The following XKR7 variants were observed in gnomAD, a reference collection of about 807,000 sequenced individuals.
XKR7 encodes the protein XK related 7, also known as XK-related protein 7.
A neutral mutation model predicts 42.2 loss-of-function variants in XKR7; 11 were observed. The ratio of observed to expected loss-of-function variants is 0.26; its 90% confidence interval spans 0.16 to 0.43. The LOEUF (loss-of-function observed/expected upper bound fraction) is 0.43, where lower values mean the gene tolerates loss of function less well. Among genes scored for constraint, XKR7 ranks in the 20% least tolerant of loss-of-function variants. The pLI is 1.00. For synonymous variants in XKR7, 346 were observed against 366.4 expected, an observed-to-expected ratio of 0.94 and a Z score of 0.64; for missense variants, 710 against 802.2, an observed-to-expected ratio of 0.89 and a Z score of 1.39.
Position 31,997,525 on chromosome 20 carries a change from G to A in XKR7, c.*68G>A, listed in dbSNP as rs147263352. ...CACATCCGCCGCAGTGTTGTGCCCCGAATTTCAGGGCCACCAGGCTAAGGG... is the reference window on the plus strand; with the variant it reads ...CACATCCGCCGCAGTGTTGTGCCCCAAATTTCAGGGCCACCAGGCTAAGGG... On this transcript the variant is annotated 3_prime_UTR_variant, in exon 3 of 3. Coordinates refer to ENST00000562532, the MANE Select transcript of XKR7 (RefSeq NM_001011718.2). 1,174 of 1,401,978 alleles carry A rather than the reference G, an allele frequency of 8.4e-4. 3 individuals carry two copies. In the African/African-American group the frequency reaches 0.014, roughly 17 times the overall value. The allele number at this position is 1,401,978 out of a possible 1,614,324, so 86.8% of individuals were successfully genotyped here. A position where few individuals can be genotyped will look rare whatever the true frequency, so the allele number is the denominator to read the frequency against.
rs1484142377 is a variant in XKR7 at position 31,997,266 on chromosome 20, C to T, written c.1549C>T (p.Arg517Trp). The change falls in exon 3 of 3, where the codon CGG becomes TGG. Residue 517 changes from arginine to tryptophan, a missense_variant. Arg to Trp is a moderately radical substitution (Grantham distance 101). Around this residue, in one of 2 missense-constraint regions of XKR7, gnomAD observed 708 missense variants for 786.2 expected, o/e 0.90. Transcript: ENST00000562532. ...LPPTPVARTLRTEGPVIRIDL... is the reference protein window; with the variant it reads ...LPPTPVARTLWTEGPVIRIDL... ...TCCCACACCAGTGGCCCGCACCTTG[C>T]GGACAGAGGGGCCTGTCATCCGGAT... The T allele has an allele frequency of 1.9e-6, 3 of 1,612,172 alleles. No individual in the cohort carries two copies. Among genetic ancestry groups the T allele is most frequent in the Non-Finnish European group, 2.5e-6 (3 of 1,179,994 alleles).
chr20:31,995,415 T>C lies in XKR7; in HGVS notation c.787+145T>C. The C allele has an allele frequency of 1.5e-6, 2 of 1,346,758 alleles. No homozygotes were observed. Among genetic ancestry groups the C allele is most frequent in the Non-Finnish European group, 2.0e-6 (2 of 1,005,224 alleles). 83.4% of individuals were successfully genotyped at this position (1,346,758 alleles called of 1,614,324 possible). Reference sequence around the variant, plus strand: ...AGGGTTTAGGGAGGCCTGCCCCTTCTACCCTCACCACCCTCCAGGCCTCTC... The same window carrying C: ...AGGGTTTAGGGAGGCCTGCCCCTTCCACCCTCACCACCCTCCAGGCCTCTC... On this transcript the variant is annotated intron_variant, in intron 2 of 2. Transcript: ENST00000562532. This position sits in a 1 kb window ranked among gnomAD's most constrained non-coding sequence, Gnocchi z 4.1.
chr20:31,971,654 G>A (rs961882872), intron 1 of XKR7, among the ~76,000 whole-genome samples: 1 of 152,152 alleles, frequency 6.6e-6, no homozygotes, highest in African/African-American at 2.4e-5. Flanking sequence ...ACACCTGGGA[G>A]GCTAGGCAGT....
At chr20:31,974,701 C>T (rs2064477809) in intron 1 of XKR7, among the ~76,000 whole-genome samples, 1 of 152,178 alleles carries the variant, frequency 6.6e-6, no homozygotes, top group Admixed American at 6.5e-5. Context: ...GCCCTGTCTC[C>T]ATCATTTTAA....
In XKR7 at chr20:31,995,520, A is replaced by G. The variant is rs1002880452; in HGVS notation, c.787+250A>G. 6.6e-6 allele frequency among the ~76,000 whole-genome samples: 1 copy of G among 151,682 alleles called. No individual in the cohort carries two copies. The highest frequency in any genetic ancestry group is 2.4e-5 in the African/African-American group (1 of 41,268). ...TGGCCCCTCCACTCCCTCGACACCC[A>G]TCAGCCCCCCTGGGCGCTCCTGCCC... On this transcript the variant is annotated intron_variant, in intron 2 of 2. Coordinates refer to ENST00000562532, the MANE Select transcript of XKR7 (RefSeq NM_001011718.2). The surrounding 1 kb of genome is among the most constrained non-coding windows in gnomAD (Gnocchi z 4.1).
chr20:31,979,791 T>G (rs1199657761), intron 1 of XKR7, among the ~76,000 whole-genome samples: 1 of 151,862 alleles, frequency 6.6e-6, no homozygotes, highest in Non-Finnish European at 1.5e-5. Flanking sequence ...ACATACCAAA[T>G]CCACATGAGG....
intron 1 of XKR7, among the ~76,000 whole-genome samples, chr20:31,986,562 A>G (rs2064541546): frequency 9.0e-6 from 1 of 111,174 alleles, no homozygotes; most frequent in Non-Finnish European, 1.9e-5. Flanking sequence ...ACAGACAGAC[A>G]GACCACCAAG....
intron 1 of XKR7, among the ~76,000 whole-genome samples, chr20:31,991,318 A>C (rs1054014592): frequency 9.2e-5 from 14 of 152,144 alleles, no homozygotes; most frequent in South Asian, 2.1e-4. Flanking sequence ...GGGGAAGGGA[A>C]TGTGGCGGCA....
intron 1 of XKR7, among the ~76,000 whole-genome samples, chr20:31,974,324 ATGGGG>A (rs969682019): frequency 6.6e-6 from 1 of 152,138 alleles, no homozygotes; most frequent in African/African-American, 2.4e-5. Flanking sequence ...AGCAACAGGG[ATGGGG>A]GTCTGCTTCA....
chr20:31,971,318 G>A (rs188846022), intron 1 of XKR7, among the ~76,000 whole-genome samples: 33 of 152,252 alleles, frequency 2.2e-4, no homozygotes, highest in African/African-American at 6.7e-4. Context: ...TTTGGGTCTC[G>A]GTTTCCCTGT....
At chr20:31,979,510 C>T (rs2064501436) in intron 1 of XKR7, among the ~76,000 whole-genome samples, 1 of 152,190 alleles carries the variant, frequency 6.6e-6, no homozygotes, top group African/African-American at 2.4e-5. Flanking sequence ...GAAACTCCAG[C>T]CATGTTGGGC....
intron 1 of XKR7, among the ~76,000 whole-genome samples, chr20:31,969,371 C>A (rs890893841): frequency 6.6e-6 from 1 of 152,200 alleles, no homozygotes; most frequent in African/African-American, 2.4e-5. Context: ...TAAGGGTCCT[C>A]CCCTTCCAAC....
intron 1 of XKR7, among the ~76,000 whole-genome samples, chr20:31,985,769 C>G (rs1272549029): frequency 1.5e-5 from 2 of 133,732 alleles, no homozygotes; most frequent in Non-Finnish European, 3.1e-5. Flanking sequence ...CAAGCAGACC[C>G]AGCATCCAAG....
rs6121304 is a variant in XKR7, at chr20:31,997,720, G to C, written c.*263G>C. On this transcript the variant is annotated 3_prime_UTR_variant, in exon 3 of 3. Coordinates refer to ENST00000562532, the MANE Select transcript of XKR7 (RefSeq NM_001011718.2). ...GGAATCATCTGGTGCTACACTTTTC[G>C]AGCTGCCCTGCTTTCATGGGGCCTC... The C allele has an allele frequency of 4.2e-6, 2 of 476,608 alleles. No individual in the cohort carries two copies. The highest frequency in any genetic ancestry group is 3.0e-5 in the South Asian group (1 of 32,910). The allele number at this position is 476,608 out of a possible 1,614,324, so 29.5% of individuals were successfully genotyped here. A position where few individuals can be genotyped will look rare whatever the true frequency, so the allele number is the denominator to read the frequency against.
At position 31,997,538 on chromosome 20, in the gene XKR7, A is replaced by C; in HGVS notation, c.*81A>C. On this transcript the variant is annotated 3_prime_UTR_variant, in exon 3 of 3. Coordinates refer to ENST00000562532, the MANE Select transcript of XKR7 (RefSeq NM_001011718.2). ...GTGTTGTGCCCCGAATTTCAGGGCC[A>C]CCAGGCTAAGGGGGAGTGGATCTGT... is the stretch of plus-strand genomic sequence containing the variant. 1 of 1,331,470 alleles carries C rather than the reference A, an allele frequency of 7.5e-7. No individual in the cohort carries two copies. The highest frequency in any genetic ancestry group is 1.0e-6 in the Non-Finnish European group (1 of 983,232). 82.5% of individuals were successfully genotyped at this position (1,331,470 alleles called of 1,614,324 possible).
rs1007892619 is a variant in XKR7, at chr20:31,997,834, C to A, written c.*377C>A. ...CACTGTCTGGGGTCCATGACCTAGA[C>A]CCTGTGCTCCTCAGGGGTTGTGGAG... On this transcript the variant is annotated 3_prime_UTR_variant, in exon 3 of 3. Coordinates refer to ENST00000562532, the MANE Select transcript of XKR7 (RefSeq NM_001011718.2). 4.3e-6 allele frequency: 1 copy of A among 232,738 alleles called. No homozygotes were observed. Among genetic ancestry groups the A allele is most frequent in the Non-Finnish European group, 8.4e-6 (1 of 118,474 alleles). 14.4% of individuals were successfully genotyped at this position (232,738 alleles called of 1,614,324 possible). A position where few individuals can be genotyped will look rare whatever the true frequency, so the allele number is the denominator to read the frequency against.
intron 1 of XKR7, among the ~76,000 whole-genome samples, chr20:31,989,281 C>CCA (rs1555861221): frequency 1.7e-5 from 2 of 119,508 alleles, no homozygotes; most frequent in African/African-American, 6.6e-5. Flanking sequence ...GGACACCCCC[C>CCA]CCCCAGCGCA....
chr20:31,980,359 G>C (rs2064506410), intron 1 of XKR7, among the ~76,000 whole-genome samples: 1 of 152,208 alleles, frequency 6.6e-6, no homozygotes, highest in African/African-American at 2.4e-5. Flanking sequence ...TGGGGAGGGG[G>C]CCTCAGGGCC....
chr20:31,988,681 C>T (rs1252646335), intron 1 of XKR7, among the ~76,000 whole-genome samples: 1 of 152,188 alleles, frequency 6.6e-6, no homozygotes, highest in Non-Finnish European at 1.5e-5. Context: ...ACAGCATGGA[C>T]TACAGTGTCT....
Sources: allele counts gnomAD v4.1 joint callset (sites outside exome capture counted in the v4.1 genomes callset), GRCh38; gene constraint gnomAD v4.1.1; regional missense constraint gnomAD v4.1.1; non-coding constraint Gnocchi (gnomAD v3.1); transcripts MANE v1.5; gene names NCBI Gene and HGNC (gene_info 2026-07-23, HGNC 2026-07-21).